The following GLI3 variants were observed in gnomAD, a reference collection of about 807,000 sequenced individuals.
The protein encoded by GLI3 is GLI family zinc finger 3.
Under a neutral mutation model 100.8 loss-of-function variants are expected in GLI3, and 20 were observed. The ratio of observed to expected loss-of-function variants is 0.20; its 90% CI spans 0.14 to 0.29. GLI3 has a LOEUF of 0.29. GLI3 is among the 10% of genes least tolerant of loss of function. The pLI, the probability that GLI3 is intolerant of heterozygous loss-of-function variation, is 1.00. For missense variants in GLI3, 2,040 were observed against 2,128.5 expected, an observed-to-expected ratio of 0.96 and a Z score of 0.82; for synonymous variants, 938 against 860.5, an observed-to-expected ratio of 1.09 and a Z score of -1.58.
Position 42,250,570 on chromosome 7 carries a change from A to G in GLI3, c.-43+13424T>C, listed in dbSNP as rs150772547. On this transcript the variant is annotated intron_variant, in intron 1 of 2. Coordinates refer to the GLI3 transcript ENST00000678978. Reference sequence around the variant, plus strand: ...GGCCCAATCCAACTGACCTCCAACCAGCCAGAGCCATGTCCCCCATGACCA... The same window carrying G: ...GGCCCAATCCAACTGACCTCCAACCGGCCAGAGCCATGTCCCCCATGACCA... 2.6e-5 allele frequency among the ~76,000 whole-genome samples: 4 copies of G among 152,288 alleles called. No individual in the cohort carries two copies. The East Asian group carries it at 7.7e-4, about 29-fold the overall frequency.
chr7:42,030,226 C>T (rs1029436190), intron 7 of GLI3, among the ~76,000 whole-genome samples: 2 of 152,146 alleles, frequency 1.3e-5, no homozygotes, highest in South Asian at 4.2e-4. Context: ...CTTGCCTCTC[C>T]TGCTTCCCTC....
intron 3 of GLI3, among the ~76,000 whole-genome samples, chr7:42,129,570 G>C (rs1354552093): frequency 6.6e-6 from 1 of 152,150 alleles, no homozygotes; most frequent in Non-Finnish European, 1.5e-5. Flanking sequence ...CAGCACTTTG[G>C]GAGGCCGAGG....
At chr7:42,223,350 A>C in intron 1 of GLI3, 55 bp from the exon 2 acceptor site, 2 of 1,005,692 alleles carry the variant, frequency 2.0e-6, no homozygotes, top group Non-Finnish European at 1.5e-6. Flanking sequence ...AAAAAAAAAA[A>C]CTTTCAAAAG....
chr7:42,042,595 A>G (rs182798477), intron 6 of GLI3, among the ~76,000 whole-genome samples: 13 of 152,218 alleles, frequency 8.5e-5, no homozygotes, highest in Non-Finnish European at 1.2e-4. Flanking sequence ...TCCCTAGAAA[A>G]TCTCTAATGT....
chr7:42,048,962 A>G (rs953532519), intron 4 of GLI3, among the ~76,000 whole-genome samples: 1 of 152,184 alleles, frequency 6.6e-6, no homozygotes, highest in Non-Finnish European at 1.5e-5. Context: ...AATAAAGGTC[A>G]ACCTATGGCT....
intron 10 of GLI3, among the ~76,000 whole-genome samples, chr7:42,021,358 T>G (rs846278): frequency 0.9 from 137,140 of 152,216 alleles, 61,819 homozygotes; most frequent in East Asian, 0.99. Context: ...TATGTGCGCA[T>G]TCATATTTTT....
At chr7:42,007,568 C>T (rs1583783099) in intron 10 of GLI3, among the ~76,000 whole-genome samples, 2 of 152,062 alleles carry the variant, frequency 1.3e-5, no homozygotes, top group Admixed American at 6.6e-5. Context: ...TCAATAAGCT[C>T]GGCACTAATG....
At chr7:42,069,189 C>T (rs567948276) in intron 4 of GLI3, among the ~76,000 whole-genome samples, 21 of 152,292 alleles carry the variant, frequency 1.4e-4, no homozygotes, top group African/African-American at 5.1e-4. Flanking sequence ...GGGGCTCAGA[C>T]TCTGAATATA....
At chr7:42,217,933 G>C (rs1053601985) in intron 2 of GLI3, among the ~76,000 whole-genome samples, 4 of 152,134 alleles carry the variant, frequency 2.6e-5, no homozygotes, top group Admixed American at 6.5e-5. Context: ...TTTATGATAC[G>C]GCAGCCTGTG....
At chr7:42,200,160 A>AAT (rs376618520) in intron 2 of GLI3, among the ~76,000 whole-genome samples, 129 of 152,352 alleles carry the variant, frequency 8.5e-4, no homozygotes, top group African/African-American at 3.1e-3. Context: ...AATACCTAGG[A>AAT]TATCGCCTTC....
At chr7:41,981,059 A>G (rs181924615) in intron 10 of GLI3, among the ~76,000 whole-genome samples, 1 of 152,352 alleles carries the variant, frequency 6.6e-6, no homozygotes, top group East Asian at 1.9e-4. Flanking sequence ...CTGAAGGATG[A>G]GTAGACACAT....
intron 1 of GLI3, among the ~76,000 whole-genome samples, chr7:42,251,354 G>A (rs767176889): frequency 6.6e-6 from 1 of 152,202 alleles, no homozygotes; most frequent in Non-Finnish European, 1.5e-5. Context: ...GTTCCCAATA[G>A]GGTTCTTGCT....
intron 2 of GLI3, among the ~76,000 whole-genome samples, chr7:42,165,561 G>A (rs1055138466): frequency 6.6e-6 from 1 of 152,172 alleles, no homozygotes; most frequent in African/African-American, 2.4e-5. Flanking sequence ...AGACACAACT[G>A]TACCATACAA....
Position 41,965,910 on chromosome 7 carries a change from C to A in GLI3, c.3163G>T (p.Gly1055Cys), listed in dbSNP as rs1343190471. 6.2e-7 allele frequency: 1 copy of A among 1,613,056 alleles called. No individual in the cohort carries two copies. Among genetic ancestry groups the A allele is most frequent in the Non-Finnish European group, 8.5e-7 (1 of 1,179,838 alleles). ...VLQNYTRPEG[G>C]QSRNFHSSPC... ...GACGAGTGGAAGTTTCGGGACTGGCCGCCCTCGGGCCGCGTGTAATTCTGA... is the reference window on the plus strand; with the variant it reads ...GACGAGTGGAAGTTTCGGGACTGGCAGCCCTCGGGCCGCGTGTAATTCTGA... Residue 1055 changes from glycine to cysteine, a missense_variant, in exon 15 of 15, where the codon GGC becomes TGC. By Grantham distance (159) the Gly-to-Cys change is radical. Transcript: ENST00000395925.
At chr7:42,155,257 T>G (rs568525185) in intron 2 of GLI3, among the ~76,000 whole-genome samples, 4 of 151,986 alleles carry the variant, frequency 2.6e-5, no homozygotes, top group East Asian at 3.9e-4. Context: ...CTGACCAACA[T>G]GGAGAAACCC....
chr7:41,965,251 G>C lies in GLI3; in HGVS notation c.3822C>G (p.Ala1274=). 6.2e-7 allele frequency: 1 copy of C among 1,613,654 alleles called. No individual in the cohort carries two copies. Among genetic ancestry groups the C allele is most frequent in the Non-Finnish European group, 8.5e-7 (1 of 1,179,784 alleles). The stretch of plus-strand genomic sequence containing the variant: ...TCTTCAGCTTTGAGGCTTGAATCCC[G>C]GCACCACAGGCACCGTCGAGTGCAC... ...APGALDGACG[A]GIQASKLKST... is the part of the protein sequence containing the mutation. Residue 1274 remains alanine, a synonymous_variant, in exon 15 of 15, where the codon GCC becomes GCG. Transcript: ENST00000395925.
At chr7:41,982,552 A>T (rs1206747143) in intron 10 of GLI3, among the ~76,000 whole-genome samples, 1 of 152,048 alleles carries the variant, frequency 6.6e-6, no homozygotes, top group Admixed American at 6.5e-5. Context: ...GTCTAAAAAA[A>T]AAATCAGGGT....
At chr7:41,967,551 G>GA (rs556257772) in intron 14 of GLI3, 45 bp downstream of exon 14, 3,284 of 1,364,940 alleles carry the variant, frequency 2.4e-3, no homozygotes, top group Non-Finnish European at 2.8e-3. Flanking sequence ...TAAAAGAACA[G>GA]AAAAAAAAAC....
At chr7:42,227,540 C>T (rs762789947) in intron 1 of GLI3, 29 of 152,054 alleles carry the variant, frequency 1.9e-4, no homozygotes, top group Non-Finnish European at 3.8e-4. Context: ...TCTAATCCGT[C>T]TCCTATTTGC....
Sources: gnomAD v4.1 joint callset for allele counts (sites outside exome capture counted in the v4.1 genomes callset) on GRCh38, gnomAD v4.1.1 for gene constraint, MANE v1.5 for transcripts, NCBI Gene and HGNC (gene_info 2026-07-23, HGNC 2026-07-21) for gene names.